Variants in SH3TC1 observed in about 807,000 individuals in gnomAD.
SH3TC1 encodes the protein SH3 domain and tetratricopeptide repeats 1.
In SH3TC1, 135 loss-of-function variants were observed where a neutral mutation model predicts 117.3. That is an observed-to-expected ratio of 1.15 (90% CI 1.00 to 1.33). The LOEUF (loss-of-function observed/expected upper bound fraction) is 1.33. Among genes scored for constraint, SH3TC1 ranks in the 40% most tolerant of loss-of-function variants. SH3TC1 has a pLI of 0.00. For missense variants in SH3TC1, 2,092 were observed against 1,794.3 expected (o/e 1.17, Z -3.00); for synonymous variants, 898 against 816.9 (o/e 1.10, Z -1.69).
At position 8,205,352 on chromosome 4, in the gene SH3TC1, C is replaced by T. The variant is rs992778150; in HGVS notation, c.158C>T (p.Ala53Val). The change falls in exon 2 of 18, where the codon GCG becomes GTG. Residue 53 changes from alanine (A) to valine (V), a missense_variant. By Grantham distance (64) the Ala-to-Val change is moderately conservative. Coordinates refer to ENST00000245105, the MANE Select transcript of SH3TC1 (RefSeq NM_018986.5). The surrounding 1 kb of genome is among the most constrained non-coding windows in gnomAD (Gnocchi z 5.4). The part of the protein sequence containing the change: ...WEKAGPEEAK[A>V]PVRGDEAPPA... ...AAAGCGGGGCCCGAGGAGGCCAAGG[C>T]GCCAGTGAGAGGCGGTGAGTTCATT... 9 of 1,548,236 alleles carry T rather than the reference C, an allele frequency of 5.8e-6. No individual in the cohort carries two copies. The highest frequency in any genetic ancestry group is 2.0e-5 in the Admixed American group (1 of 50,776).
At chr4:8,231,574 C>A in intron 12 of SH3TC1, 1 of 186,494 alleles carries the variant, frequency 5.4e-6, no homozygotes, top group East Asian at 1.4e-4. Context: ...GAGCCCCATT[C>A]CCCCAACATG....
chr4:8,216,050 GC>G lies in SH3TC1; in HGVS notation c.482-60del, dbSNP rs1168137202. 3 of 1,590,696 alleles carry G rather than the reference GC, an allele frequency of 1.9e-6. No individual in the cohort carries two copies. In the African/African-American group the frequency reaches 4.0e-5, roughly 21 times the overall value. On this transcript the variant is annotated intron_variant, in intron 5 of 17. Coordinates refer to ENST00000245105, the MANE Select transcript of SH3TC1 (RefSeq NM_018986.5). ...GCTCAGCCGACCTGGGACCACACAG[GC>G]TTCCCTGCCTCCCTGCCCCTCTTCT...
At position 8,183,808 on chromosome 4, in the gene SH3TC1, T is replaced by C. The variant is rs571446864; in HGVS notation, c.-57+1598T>C. Among the ~76,000 whole-genome samples the C allele has an allele frequency of 5.9e-5, 9 of 152,256 alleles. No homozygotes were observed. The South Asian group carries it at 1.9e-3, about 32-fold the overall frequency. ...CCACACCTGACTCAGATTTCCTTCG[T>C]CTTTACCTAACGCCTTCGCCTGCCC... On this transcript the variant is annotated intron_variant, in intron 1 of 16. Coordinates refer to the SH3TC1 transcript ENST00000508641. The surrounding 1 kb of genome is among the most constrained non-coding windows in gnomAD (Gnocchi z 5.4).
chr4:8,192,926 C>T lies in SH3TC1; in HGVS notation c.-57+10716C>T, dbSNP rs949019346. Among the ~76,000 whole-genome samples the T allele has an allele frequency of 3.9e-5, 6 of 152,340 alleles. No homozygotes were observed. Among genetic ancestry groups the T allele is most frequent in the Middle Eastern group, 3.4e-3 (1 of 294 alleles). ...GGTGGAGCAGTGAAGCGGGGCCTGACGTGATGTACCATGTTTCAAGCCTGT... is the reference window on the plus strand; with the variant it reads ...GGTGGAGCAGTGAAGCGGGGCCTGATGTGATGTACCATGTTTCAAGCCTGT... On this transcript the variant is annotated intron_variant, in intron 1 of 16. Coordinates refer to the SH3TC1 transcript ENST00000508641. This position sits in a 1 kb window ranked among gnomAD's most constrained non-coding sequence, Gnocchi z 4.1.
At chr4:8,201,044 A>C (rs1321435592) in intron 1 of SH3TC1, among the ~76,000 whole-genome samples, 2 of 152,186 alleles carry the variant, frequency 1.3e-5, no homozygotes, top group Non-Finnish European at 1.5e-5. Context: ...TTGAAAGGAC[A>C]GTGTCACCCC....
chr4:8,220,273 C>A (rs149834650), intron 9 of SH3TC1, among the ~76,000 whole-genome samples: 77 of 152,308 alleles, frequency 5.1e-4, no homozygotes, highest in African/African-American at 1.7e-3. Flanking sequence ...GCACAGAGTA[C>A]CTTGTGCCTT....
chr4:8,199,014 G>A (rs150414442), upstream of SH3TC1, among the ~76,000 whole-genome samples: 1 of 152,364 alleles, frequency 6.6e-6, no homozygotes, highest in African/African-American at 2.4e-5. Context: ...TGAGGCAGCC[G>A]GTGGCTGGTG....
At position 8,205,377 on chromosome 4, in the gene SH3TC1, T is replaced by C; in HGVS notation, c.172+11T>C. 2.6e-6 allele frequency: 4 copies of C among 1,542,420 alleles called. No homozygotes were observed. The highest frequency in any genetic ancestry group is 3.5e-6 in the Non-Finnish European group (4 of 1,143,768). ...CGCCAGTGAGAGGCGGTGAGTTCAT[T>C]CCACCCTCACCACCCGCCCTCCATC... On this transcript the variant is annotated intron_variant, in intron 2 of 17. Coordinates refer to ENST00000245105, the MANE Select transcript of SH3TC1 (RefSeq NM_018986.5). The surrounding 1 kb of genome is among the most constrained non-coding windows in gnomAD (Gnocchi z 5.4).
rs927036679 is a variant in SH3TC1 at position 8,186,146 on chromosome 4, G to A, written c.-57+3936G>A. ...AGTGGAGGTCAGCTTCTCAAGCGGG[G>A]TTTAATTAACAGCAGCTGCTGGCGG... On this transcript the variant is annotated intron_variant, in intron 1 of 16. Coordinates refer to the SH3TC1 transcript ENST00000508641. The surrounding 1 kb of genome is among the most constrained non-coding windows in gnomAD (Gnocchi z 5.2). Among the ~76,000 whole-genome samples, 8 of 152,188 alleles carry A rather than the reference G, an allele frequency of 5.3e-5. No individual in the cohort carries two copies. The highest frequency in any genetic ancestry group is 1.2e-4 in the Non-Finnish European group (8 of 68,040).
chr4:8,236,156 C>G lies in SH3TC1; in HGVS notation c.3406-122C>G. 4.0e-6 allele frequency: 5 copies of G among 1,246,324 alleles called. No homozygotes were observed. In the South Asian group the frequency reaches 4.7e-5, roughly 12 times the overall value. 77.2% of individuals were successfully genotyped at this position (1,246,324 alleles called of 1,614,324 possible). On this transcript the variant is annotated intron_variant, in intron 15 of 17. Transcript: ENST00000245105. ...CCGCCCTTTATCTCAGAGCACACAG[C>G]TGTGTCGAGGCCCAGGGGTAGCTGG...
chr4:8,215,551 A>G (rs1394656369), intron 5 of SH3TC1, among the ~76,000 whole-genome samples: 1 of 151,724 alleles, frequency 6.6e-6, no homozygotes, highest in African/African-American at 2.4e-5. Flanking sequence ...TTCAGAGTCC[A>G]CTCTACGCTG....
Position 8,232,610 on chromosome 4 carries a change from G to T in SH3TC1, c.3131+454G>T, listed in dbSNP as rs559997800. ...TGTGTCACCTGCTTCCCTGGGGCAG[G>T]GTTTCAAGGTCTCACATCCCACATG... On this transcript the variant is annotated intron_variant, in intron 13 of 17. Coordinates refer to ENST00000245105, the MANE Select transcript of SH3TC1 (RefSeq NM_018986.5). 10 of 1,334,408 alleles carry T rather than the reference G, an allele frequency of 7.5e-6. No homozygotes were observed. In the Admixed American group the frequency reaches 2.0e-4, roughly 27 times the overall value. 82.7% of individuals were successfully genotyped at this position (1,334,408 alleles called of 1,614,324 possible). A position where few individuals can be genotyped will look rare whatever the true frequency, so the allele number is the denominator to read the frequency against.
At chr4:8,216,487 G>A (rs1017775391) in intron 6 of SH3TC1, among the ~76,000 whole-genome samples, 1 of 152,168 alleles carries the variant, frequency 6.6e-6, no homozygotes, top group South Asian at 2.1e-4. Context: ...GGGAAACAGT[G>A]GAAGGGAGGT....
In SH3TC1 at chr4:8,190,581, C is replaced by T. The variant is rs1717386372; in HGVS notation, c.-57+8371C>T. On this transcript the variant is annotated intron_variant, in intron 1 of 16. Coordinates refer to the SH3TC1 transcript ENST00000508641. The surrounding 1 kb of genome is among the most constrained non-coding windows in gnomAD (Gnocchi z 4.7). ...CTTCTCCTCTGTGCACTCTCTCGGTCACCCACACCCCACCAGCCGGCTGGT... is the reference window on the plus strand; with the variant it reads ...CTTCTCCTCTGTGCACTCTCTCGGTTACCCACACCCCACCAGCCGGCTGGT... 6.6e-6 allele frequency among the ~76,000 whole-genome samples: 1 copy of T among 152,130 alleles called. No individual in the cohort carries two copies. Among genetic ancestry groups the T allele is most frequent in the South Asian group, 2.1e-4 (1 of 4,838 alleles).
chr4:8,236,133 G>A (rs142715679), intron 15 of SH3TC1, 145 bp from the exon 16 acceptor site: 117 of 1,070,776 alleles, frequency 1.1e-4, no homozygotes, highest in Non-Finnish European at 1.3e-4. Flanking sequence ...TGTCTGAACC[G>A]CCCTTTATCT....
chr4:8,186,943 CAAAAA>C lies in SH3TC1; in HGVS notation c.-57+4747_-57+4751del, dbSNP rs542632113. Among the ~76,000 whole-genome samples the C allele has an allele frequency of 3.4e-5, 3 of 88,228 alleles. No homozygotes were observed. The highest frequency in any genetic ancestry group is 4.1e-5 in the African/African-American group (1 of 24,346). The allele number at this position is 88,228 out of a possible 152,430, so 57.9% of individuals were successfully genotyped here. On this transcript the variant is annotated intron_variant, in intron 1 of 16. Coordinates refer to the SH3TC1 transcript ENST00000508641. This position sits in a 1 kb window ranked among gnomAD's most constrained non-coding sequence, Gnocchi z 5.2. Reference sequence around the variant, plus strand: ...TGGGTGACAGGGCAAGACTACGTCTCAAAAAAAAAAAAAAAAAAGGACATGCTCCT... The same window carrying C: ...TGGGTGACAGGGCAAGACTACGTCTCAAAAAAAAAAAAAGGACATGCTCCT...
At chr4:8,200,048 G>A (rs1054663899) in intron 1 of SH3TC1, among the ~76,000 whole-genome samples, 9 of 152,246 alleles carry the variant, frequency 5.9e-5, no homozygotes, top group African/African-American at 1.4e-4. Flanking sequence ...GGGCCTGTGC[G>A]TGATCCCCAG....
Position 8,210,469 on chromosome 4 carries a change from T to C in SH3TC1, c.247+647T>C, listed in dbSNP as rs1030344685. 2.6e-5 allele frequency among the ~76,000 whole-genome samples: 4 copies of C among 152,278 alleles called. No individual in the cohort carries two copies. The highest frequency in any genetic ancestry group is 9.6e-5 in the African/African-American group (4 of 41,574). On this transcript the variant is annotated intron_variant, in intron 3 of 17. Coordinates refer to ENST00000245105, the MANE Select transcript of SH3TC1 (RefSeq NM_018986.5). The surrounding 1 kb of genome is among the most constrained non-coding windows in gnomAD (Gnocchi z 4.1). The stretch of plus-strand genomic sequence containing the variant: ...AGGACGCATTAGGCAATAGGACCGT[T>C]ATTTAGAATTTGAAAATGCAGGCTG...
At chr4:8,239,890 C>T (rs1201854061) in intron 17 of SH3TC1, among the ~76,000 whole-genome samples, 1 of 152,116 alleles carries the variant, frequency 6.6e-6, no homozygotes, top group Non-Finnish European at 1.5e-5. Context: ...GGCTGGGGGG[C>T]GTTGGATGAG....
Sources: gnomAD v4.1 joint callset for allele counts (sites outside exome capture counted in the v4.1 genomes callset) on GRCh38, gnomAD v4.1.1 for gene constraint, Gnocchi (gnomAD v3.1) non-coding constraint, MANE v1.5 for transcripts, NCBI Gene and HGNC (gene_info 2026-07-23, HGNC 2026-07-21) for gene names.